The following ATP2B4 variants were observed in gnomAD, a reference collection of about 807,000 sequenced individuals.
ATP2B4 encodes the protein plasma membrane calcium-transporting ATPase 4.
ATP2B4 carries 39 observed loss-of-function variants against 110.3 expected under a neutral mutation model. The observed-to-expected ratio is 0.35, with a 90% CI of 0.27 to 0.46. The LOEUF (loss-of-function observed/expected upper bound fraction) is 0.46, where lower values mean the gene tolerates loss of function less well. ATP2B4 is among the 20% of genes least tolerant of loss of function. ATP2B4 has a pLI of 1.00. For missense variants in ATP2B4, 1,135 were observed against 1,530.9 expected, an observed-to-expected ratio of 0.74 and a Z score of 4.32; for synonymous variants, 538 against 571.7, an observed-to-expected ratio of 0.94 and a Z score of 0.84.
rs144473667 is a variant in ATP2B4, at chr1:203,670,458, C to T, written c.-464-12284C>T. Among the ~76,000 whole-genome samples the T allele has an allele frequency of 2.0e-3, 304 of 152,314 alleles. 1 individual carries two copies. Among genetic ancestry groups the T allele is most frequent in the Non-Finnish European group, 3.3e-3 (223 of 68,026 alleles). On this transcript the variant is annotated intron_variant, in intron 1 of 20. Coordinates refer to ENST00000357681, the MANE Select transcript of ATP2B4 (RefSeq NM_001684.5). ...CCTCCCACAGTGTTGGGATTACAGGCGTGAGCCACTGCGCCCGGCCGAGTT... is the reference window on the plus strand; with the variant it reads ...CCTCCCACAGTGTTGGGATTACAGGTGTGAGCCACTGCGCCCGGCCGAGTT...
At chr1:203,718,920 G>A (rs1029522772) in intron 15 of ATP2B4, among the ~76,000 whole-genome samples, 4 of 151,936 alleles carry the variant, frequency 2.6e-5, no homozygotes, top group East Asian at 1.9e-4. Context: ...GTTACTTTCC[G>A]TTTTGGAGAT....
intron 15 of ATP2B4, 45 bp downstream of exon 15, chr1:203,714,322 A>T: frequency 6.2e-7 from 1 of 1,606,602 alleles, no homozygotes; most frequent in Non-Finnish European, 8.5e-7. Flanking sequence ...TGCCTTCTCC[A>T]TCAGGAAGCC....
intron 2 of ATP2B4, among the ~76,000 whole-genome samples, chr1:203,686,611 C>T (rs1665186737): frequency 1.8e-5 from 1 of 54,886 alleles, no homozygotes; most frequent in African/African-American, 4.4e-5. Context: ...CTAACACTGG[C>T]ACAATTTTCT....
At chr1:203,704,887 G>A (rs1473220898) in intron 8 of ATP2B4, among the ~76,000 whole-genome samples, 2 of 151,964 alleles carry the variant, frequency 1.3e-5, no homozygotes, top group Non-Finnish European at 2.9e-5. Flanking sequence ...AACTTACCTC[G>A]GGTTCTTGTT....
At chr1:203,718,456 A>T (rs1666224007) in intron 15 of ATP2B4, among the ~76,000 whole-genome samples, 1 of 151,868 alleles carries the variant, frequency 6.6e-6, no homozygotes, top group South Asian at 2.1e-4. Flanking sequence ...GTGCCACCAC[A>T]CCCTGCTAAT....
chr1:203,711,777 G>A (rs186459459), intron 12 of ATP2B4, among the ~76,000 whole-genome samples, 183 bp from the exon 13 acceptor site: 17 of 152,296 alleles, frequency 1.1e-4, no homozygotes, highest in Admixed American at 5.9e-4. Context: ...TGTGACTGCC[G>A]TGGGTAGGAC....
At chr1:203,644,346 CCTT>C (rs1354664204) in intron 1 of ATP2B4, among the ~76,000 whole-genome samples, 6 of 151,834 alleles carry the variant, frequency 4.0e-5, no homozygotes, top group African/African-American at 1.5e-4. Context: ...GTGAACTTTA[CCTT>C]CTTCCTTCCC....
chr1:203,727,739 G>A (rs950621736), intron 20 of ATP2B4, 168 bp downstream of exon 20: 14 of 766,702 alleles, frequency 1.8e-5, no homozygotes, highest in East Asian at 2.7e-5. Context: ...AAAAGGATCT[G>A]TGTGGGGTCC....
intron 19 of ATP2B4, among the ~76,000 whole-genome samples, chr1:203,724,475 C>T (rs1199876018): frequency 6.6e-6 from 1 of 151,826 alleles, no homozygotes; most frequent in Non-Finnish European, 1.5e-5. Flanking sequence ...CGAGATTGCG[C>T]CACTGCACTC....
At chr1:203,639,524 T>C (rs969671155) in intron 1 of ATP2B4, among the ~76,000 whole-genome samples, 2 of 152,180 alleles carry the variant, frequency 1.3e-5, no homozygotes, top group African/African-American at 4.8e-5. Flanking sequence ...AACCCTTGAC[T>C]TCAGGGAGGT....
chr1:203,686,315 G>C (rs1327394998), intron 2 of ATP2B4, among the ~76,000 whole-genome samples: 1 of 152,034 alleles, frequency 6.6e-6, no homozygotes. Flanking sequence ...ACAGGAACTC[G>C]GGAGTCCAAA....
chr1:203,662,780 C>A (rs1485418385), intron 1 of ATP2B4, among the ~76,000 whole-genome samples: 1 of 152,144 alleles, frequency 6.6e-6, no homozygotes, highest in Non-Finnish European at 1.5e-5. Flanking sequence ...AAGAGAATAG[C>A]CTACTCTTTC....
intron 1 of ATP2B4, among the ~76,000 whole-genome samples, chr1:203,639,014 A>G (rs896970017): frequency 2.6e-5 from 4 of 152,202 alleles, no homozygotes; most frequent in African/African-American, 9.6e-5. Flanking sequence ...GGGAAGCAGA[A>G]GTCCTGGGAA....
chr1:203,713,648 A>G (rs1571753828), intron 14 of ATP2B4, among the ~76,000 whole-genome samples: 1 of 151,994 alleles, frequency 6.6e-6, no homozygotes, highest in East Asian at 1.9e-4. Flanking sequence ...TATTCTTAGT[A>G]GAGACAAGGT....
intron 20 of ATP2B4, among the ~76,000 whole-genome samples, chr1:203,732,445 G>T (rs529792547): frequency 6.6e-6 from 1 of 152,130 alleles, no homozygotes; most frequent in Non-Finnish European, 1.5e-5. Context: ...TTCTCAGGGA[G>T]CCTACCTACT....
intron 1 of ATP2B4, among the ~76,000 whole-genome samples, chr1:203,654,238 C>T (rs1357542250): frequency 6.6e-6 from 1 of 151,992 alleles, no homozygotes; most frequent in Non-Finnish European, 1.5e-5. Context: ...CCCACCTCGG[C>T]CTCCCAAAGT....
chr1:203,739,220 T>C (rs1419499430), intron 20 of ATP2B4, among the ~76,000 whole-genome samples: 1 of 152,226 alleles, frequency 6.6e-6, no homozygotes, highest in Non-Finnish European at 1.5e-5. Context: ...AAAGAACTAA[T>C]GAAACTTCTT....
chr1:203,704,833 A>T (rs1665803641), intron 8 of ATP2B4, among the ~76,000 whole-genome samples: 1 of 152,102 alleles, frequency 6.6e-6, no homozygotes, highest in African/African-American at 2.4e-5. Context: ...TCTGTTTACC[A>T]CAATCATAAT....
chr1:203,702,151 C>G, intron 7 of ATP2B4, 72 bp downstream of exon 7: 1 of 1,562,580 alleles, frequency 6.4e-7, no homozygotes, highest in South Asian at 1.1e-5. Context: ...AGGCCATCTT[C>G]CTTCTCCCTT....
Sources: allele counts gnomAD v4.1 joint callset (sites outside exome capture counted in the v4.1 genomes callset), GRCh38; gene constraint gnomAD v4.1.1; transcripts MANE v1.5; gene names NCBI Gene and HGNC (gene_info 2026-07-23, HGNC 2026-07-21).